Variants in FNBP1 observed in about 807,000 individuals in gnomAD.
FNBP1 encodes formin binding protein 1.
FNBP1 carries 26 observed loss-of-function variants against 90.6 expected under a neutral mutation model. That is an observed-to-expected ratio of 0.29 (90% CI 0.21 to 0.40). FNBP1 has a LOEUF of 0.40. FNBP1 is among the 10% of genes least tolerant of loss of function. The pLI is 1.00. For synonymous variants in FNBP1, 260 were observed against 265.2 expected, an observed-to-expected ratio of 0.98 and a Z score of 0.19; for missense variants, 635 against 768.0, an observed-to-expected ratio of 0.83 and a Z score of 2.05.
chr9:129,927,386 T>C (rs1213132056), intron 7 of FNBP1, 45 bp from the exon 8 acceptor site: 1 of 1,585,784 alleles, frequency 6.3e-7, no homozygotes, highest in Admixed American at 1.7e-5. Context: ...TCCATTATTA[T>C]TAAACAAAGT....
At chr9:129,991,537 A>C (rs773484738) in intron 2 of FNBP1, among the ~76,000 whole-genome samples, 4 of 152,044 alleles carry the variant, frequency 2.6e-5, no homozygotes, top group Admixed American at 6.6e-5. Flanking sequence ...TGAAGTGCTA[A>C]GATTTTAGGT....
intron 1 of FNBP1, among the ~76,000 whole-genome samples, chr9:130,021,932 G>C (rs1177602467): frequency 6.6e-6 from 1 of 152,134 alleles, no homozygotes; most frequent in Admixed American, 6.6e-5. Context: ...TGCTATCTTG[G>C]CTCACTACAG....
chr9:129,909,243 C>A (rs1329080369), intron 11 of FNBP1, among the ~76,000 whole-genome samples: 1 of 152,168 alleles, frequency 6.6e-6, no homozygotes, highest in Non-Finnish European at 1.5e-5. Flanking sequence ...AAGCAGTGAG[C>A]AACGCTACAG....
intron 6 of FNBP1, among the ~76,000 whole-genome samples, chr9:129,931,584 C>T (rs113365753): frequency 0.013 from 1,915 of 150,464 alleles, 19 homozygotes; most frequent in Middle Eastern, 0.024. Flanking sequence ...CCAGCCTGGG[C>T]GACAGAGCAA....
At chr9:130,029,754 CA>C (rs1448438156) in intron 1 of FNBP1, among the ~76,000 whole-genome samples, 1 of 151,834 alleles carries the variant, frequency 6.6e-6, no homozygotes, top group African/African-American at 2.4e-5. Context: ...GAGGCCAAGG[CA>C]GGGGGATCGC....
intron 1 of FNBP1, among the ~76,000 whole-genome samples, chr9:129,998,394 A>T (rs1183876220): frequency 6.6e-6 from 1 of 151,402 alleles, no homozygotes; most frequent in Non-Finnish European, 1.5e-5. Flanking sequence ...CACGCCTATA[A>T]TCACAGCTAC....
At chr9:130,000,485 C>T (rs1014426641) in intron 1 of FNBP1, among the ~76,000 whole-genome samples, 6 of 151,228 alleles carry the variant, frequency 4.0e-5, no homozygotes, top group Non-Finnish European at 7.4e-5. Context: ...GGTGATGGAG[C>T]GAGACTCCAT....
intron 1 of FNBP1, 85 bp from the exon 2 acceptor site, chr9:129,995,043 A>G: frequency 1.3e-6 from 1 of 741,360 alleles, no homozygotes. Context: ...ACAACATATT[A>G]CTACATACAA....
At chr9:129,943,297 A>T (rs1006903616) in intron 6 of FNBP1, among the ~76,000 whole-genome samples, 2 of 148,796 alleles carry the variant, frequency 1.3e-5, no homozygotes, top group Non-Finnish European at 3.0e-5. Flanking sequence ...GGACCAGGTG[A>T]TTTCATATAT....
intron 1 of FNBP1, among the ~76,000 whole-genome samples, chr9:130,026,994 T>C (rs1237601284): frequency 2.6e-5 from 4 of 152,074 alleles, no homozygotes; most frequent in Admixed American, 1.3e-4. Flanking sequence ...GTTTTGTCTT[T>C]TGTTTTATAT....
chr9:130,013,822 CAA>C, intron 1 of FNBP1: 1 of 443,998 alleles, frequency 2.3e-6, no homozygotes, highest in African/African-American at 2.0e-5. Flanking sequence ...TTAGTTATTT[CAA>C]GAGTGGGCTT....
chr9:129,952,276 G>A (rs1448575557), intron 6 of FNBP1, among the ~76,000 whole-genome samples: 1 of 151,906 alleles, frequency 6.6e-6, no homozygotes, highest in Admixed American at 6.6e-5. Flanking sequence ...GAGGTGGGCA[G>A]ATTACCTGAG....
chr9:130,019,202 C>T (rs919446403), intron 1 of FNBP1, among the ~76,000 whole-genome samples: 1 of 151,536 alleles, frequency 6.6e-6, no homozygotes, highest in Non-Finnish European at 1.5e-5. Context: ...ACTCCACTCC[C>T]GCCTGGATGA....
chr9:129,904,356 T>C (rs114088505), intron 12 of FNBP1, among the ~76,000 whole-genome samples: 199 of 152,172 alleles, frequency 1.3e-3, no homozygotes, highest in African/African-American at 3.8e-3. Flanking sequence ...GTTTGGGGCA[T>C]GTTTGGGTTG....
At chr9:129,898,444 C>A (rs967236021) in intron 15 of FNBP1, among the ~76,000 whole-genome samples, 1 of 152,130 alleles carries the variant, frequency 6.6e-6, no homozygotes, top group African/African-American at 2.4e-5. Context: ...TCATTCTCCC[C>A]TGTCCTCCCC....
chr9:130,051,950 TGTTGCCAGGAG>T, the FNBP1 span, among the ~76,000 whole-genome samples: 1 of 152,170 alleles, frequency 6.6e-6, no homozygotes, highest in African/African-American at 2.4e-5. Context: ...CCTTTGAAAA[TGTTGCCAGGAG>T]AAGCAGGCAT....
At chr9:129,960,454 TAA>T (rs763872451) in intron 4 of FNBP1, among the ~76,000 whole-genome samples, 23 of 146,562 alleles carry the variant, frequency 1.6e-4, no homozygotes, top group Non-Finnish European at 3.0e-4. Context: ...AACACTTGAG[TAA>T]GAGTTTTGAG....
intron 12 of FNBP1, among the ~76,000 whole-genome samples, chr9:129,905,787 G>C (rs1250830538): frequency 6.6e-6 from 1 of 152,010 alleles, no homozygotes; most frequent in Non-Finnish European, 1.5e-5. Context: ...ACTATATATA[G>C]AATGTATGTT....
At chr9:129,948,356 C>CTTTTTTTTTTTTTTTTTTTTTTTTTTTTT (rs71385491) in intron 6 of FNBP1, among the ~76,000 whole-genome samples, 3 of 64,480 alleles carry the variant, frequency 4.7e-5, no homozygotes, top group African/African-American at 2.1e-4. Context: ...ATTTTGGTGT[C>CTTTTTTTTTTTTTTTTTTTTTTTTTTTTT]TTTTTTTTTT....
Sources: allele counts gnomAD v4.1 joint callset (sites outside exome capture counted in the v4.1 genomes callset), GRCh38; gene constraint gnomAD v4.1.1; transcripts MANE v1.5; gene names NCBI Gene and HGNC (gene_info 2026-07-23, HGNC 2026-07-21).